The following SH3RF2 variants were observed in gnomAD, a reference collection of about 807,000 sequenced individuals.
SH3RF2 encodes the protein SH3 domain containing ring finger 2, also known as E3 ubiquitin-protein ligase SH3RF2.
Under a neutral mutation model 59.0 loss-of-function variants are expected in SH3RF2, and 43 were observed. The ratio of observed to expected loss-of-function variants is 0.73; its 90% CI spans 0.57 to 0.94. The LOEUF (loss-of-function observed/expected upper bound fraction) is 0.94, where lower values mean the gene tolerates loss of function less well. Ranked by LOEUF, SH3RF2 falls within the 40% of genes least tolerant of loss-of-function variation. SH3RF2 has a pLI of 0.00. For synonymous variants in SH3RF2, 391 were observed against 391.5 expected, an observed-to-expected ratio of 1.00 and a Z score of 0.01; for missense variants, 930 against 940.1, an observed-to-expected ratio of 0.99 and a Z score of 0.14.
chr5:146,062,280 T>TC (rs1455663167), intron 9 of SH3RF2, 146 bp from the exon 10 acceptor site: 23 of 1,004,134 alleles, frequency 2.3e-5, no homozygotes, highest in Admixed American at 1.4e-4. Context: ...ATCTTGTACT[T>TC]CCCCCATCTT....
At chr5:146,031,598 T>C (rs1479663070) in intron 5 of SH3RF2, among the ~76,000 whole-genome samples, 1 of 152,110 alleles carries the variant, frequency 6.6e-6, no homozygotes, top group Non-Finnish European at 1.5e-5. Context: ...AGGCCGTGGG[T>C]TCTCTGCAAG....
intron 2 of SH3RF2, among the ~76,000 whole-genome samples, chr5:145,977,666 T>C (rs888274192): frequency 6.6e-6 from 1 of 152,366 alleles, no homozygotes. Context: ...TACTATCAGC[T>C]TGCTGAGATG....
chr5:146,042,978 C>A (rs1441789382), intron 5 of SH3RF2: 1 of 152,252 alleles, frequency 6.6e-6, no homozygotes. Flanking sequence ...GTGGCACAGG[C>A]ACCTGAGGTC....
chr5:146,056,294 C>A (rs762375236), intron 8 of SH3RF2, 81 bp downstream of exon 8: 2 of 1,584,654 alleles, frequency 1.3e-6, no homozygotes, highest in Non-Finnish European at 1.7e-6. Flanking sequence ...ATGCTTTTTG[C>A]AAAAACAGGA....
At chr5:146,078,677 G>A (rs1428995816) in exon 10 of SH3RF2, 1 of 152,242 alleles carries the variant, frequency 6.6e-6, no homozygotes, top group African/African-American at 2.4e-5. Flanking sequence ...CAGTATTAAT[G>A]GGTGGTGGGC....
chr5:146,072,726 G>GTT (rs1561776950), intron 9 of SH3RF2, among the ~76,000 whole-genome samples: 2 of 152,134 alleles, frequency 1.3e-5, no homozygotes, highest in South Asian at 2.1e-4. Context: ...TTGACTAAAT[G>GTT]CAGGTACCTA....
Position 146,056,452 on chromosome 5 carries a change from G to A in SH3RF2, c.1555+239G>A, listed in dbSNP as rs553491447. Among the ~76,000 whole-genome samples the A allele has an allele frequency of 3.3e-5, 5 of 152,328 alleles. No individual in the cohort carries two copies. The South Asian group carries it at 1.0e-3, about 32-fold the overall frequency. On this transcript the variant is annotated intron_variant, in intron 8 of 9. Transcript: ENST00000359120. ...ATGACTGGGGTGATGGCAGCCCTGA[G>A]TGCCAACATGTAATTAGAACATGGC...
intron 2 of SH3RF2, among the ~76,000 whole-genome samples, chr5:145,992,369 T>C (rs955180067): frequency 6.6e-6 from 1 of 152,048 alleles, no homozygotes; most frequent in Non-Finnish European, 1.5e-5. Context: ...TGAGACCCTG[T>C]CTCAAAAAAA....
intron 2 of SH3RF2, among the ~76,000 whole-genome samples, chr5:145,958,178 T>C (rs1758490684): frequency 6.6e-6 from 1 of 152,088 alleles, no homozygotes; most frequent in East Asian, 1.9e-4. Context: ...GTCTGTCACA[T>C]GCTCGATGTC....
At chr5:146,064,656 GAGAGAAAGAGAAAGAA>G (rs1425975427), downstream of SH3RF2, among the ~76,000 whole-genome samples, 43 of 13,426 alleles carry the variant, frequency 3.2e-3, 4 homozygotes, top group South Asian at 0.022. Flanking sequence ...GAAAGAGAGA[GAGAGAAAGAGAAAGAA>G]AGAAAGAAAG....
intron 2 of SH3RF2, among the ~76,000 whole-genome samples, chr5:145,986,305 TC>T (rs1158373262): frequency 1.3e-5 from 2 of 152,178 alleles, no homozygotes; most frequent in African/African-American, 4.8e-5. Flanking sequence ...GCTTTGCTTT[TC>T]CTCTAAGCCA....
At chr5:146,025,327 G>A (rs1218260993) in intron 5 of SH3RF2, among the ~76,000 whole-genome samples, 2 of 152,218 alleles carry the variant, frequency 1.3e-5, no homozygotes, top group African/African-American at 4.8e-5. Context: ...TGCCAGCTGG[G>A]CTAATCTTAC....
intron 5 of SH3RF2, among the ~76,000 whole-genome samples, chr5:146,037,074 C>T (rs941625967): frequency 2.0e-5 from 3 of 152,190 alleles, no homozygotes; most frequent in African/African-American, 7.2e-5. Context: ...CTTCTTCTCC[C>T]CAGACATCTG....
chr5:145,988,973 T>C (rs1317739533), intron 2 of SH3RF2, among the ~76,000 whole-genome samples: 1 of 152,206 alleles, frequency 6.6e-6, no homozygotes, highest in Non-Finnish European at 1.5e-5. Flanking sequence ...CACAGTGGCT[T>C]CGTTGGTTAA....
intron 5 of SH3RF2, among the ~76,000 whole-genome samples, chr5:146,022,157 C>A (rs537175441): frequency 6.6e-6 from 1 of 152,314 alleles, no homozygotes; most frequent in South Asian, 2.1e-4. Context: ...ACTAATGGGC[C>A]AATCTTATTT....
At chr5:145,979,393 G>A (rs955407678) in intron 2 of SH3RF2, among the ~76,000 whole-genome samples, 1 of 152,196 alleles carries the variant, frequency 6.6e-6, no homozygotes, top group Non-Finnish European at 1.5e-5. Flanking sequence ...AGAGGGATTT[G>A]TTCAAACAAA....
intron 5 of SH3RF2, among the ~76,000 whole-genome samples, chr5:146,047,178 T>TGTGTGTGTGTGTGTG (rs1561761124): frequency 1.8e-4 from 28 of 152,070 alleles, no homozygotes; most frequent in Middle Eastern, 3.4e-3. Flanking sequence ...TGTGTGTGTG[T>TGTGTGTGTGTGTGTG]TTCTAGCAAT....
chr5:146,021,757 C>T (rs1761328432), intron 5 of SH3RF2, among the ~76,000 whole-genome samples: 1 of 152,154 alleles, frequency 6.6e-6, no homozygotes, highest in African/African-American at 2.4e-5. Flanking sequence ...TGTCATGAGC[C>T]ACCCAGAGAT....
chr5:145,946,301 G>A (rs921692348), intron 2 of SH3RF2, among the ~76,000 whole-genome samples: 10 of 152,094 alleles, frequency 6.6e-5, no homozygotes, highest in African/African-American at 2.2e-4. Context: ...TCTTTTTTCC[G>A]AGTACAAACA....
Sources: gnomAD v4.1 joint callset for allele counts (sites outside exome capture counted in the v4.1 genomes callset) on GRCh38, gnomAD v4.1.1 for gene constraint, MANE v1.5 for transcripts, NCBI Gene and HGNC (gene_info 2026-07-23, HGNC 2026-07-21) for gene names.